The following GRIK1 variants were observed in gnomAD, a reference collection of about 807,000 sequenced individuals.
GRIK1 encodes the protein glutamate receptor ionotropic, kainate 1.
In GRIK1, 69 loss-of-function variants were observed where a neutral mutation model predicts 105.7. That is an observed-to-expected ratio of 0.65 (90% CI 0.54 to 0.80). GRIK1 has a LOEUF of 0.80. Among genes scored for constraint, GRIK1 ranks in the 30% least tolerant of loss-of-function variants. The probability of loss-of-function intolerance (pLI) is 0.00; values close to 1 mark genes in which losing one functional copy is unlikely to be tolerated. For synonymous variants in GRIK1, 438 were observed against 431.3 expected, an observed-to-expected ratio of 1.02 and a Z score of -0.19; for missense variants, 1,109 against 1,167.3, an observed-to-expected ratio of 0.95 and a Z score of 0.73.
intron 1 of GRIK1, among the ~76,000 whole-genome samples, chr21:29,788,093 A>G (rs1402135432): frequency 1.3e-5 from 2 of 152,246 alleles, no homozygotes; most frequent in African/African-American, 4.8e-5. Context: ...AGATAAAAGT[A>G]TAGCAGTAAA....
At chr21:29,598,015 A>G (rs977275297) in intron 8 of GRIK1, among the ~76,000 whole-genome samples, 5 of 152,192 alleles carry the variant, frequency 3.3e-5, no homozygotes, top group African/African-American at 1.2e-4. Context: ...GGGAAAAAAA[A>G]TGTCAGATTA....
At chr21:29,624,363 A>G (rs1372742631) in intron 7 of GRIK1, among the ~76,000 whole-genome samples, 1 of 152,166 alleles carries the variant, frequency 6.6e-6, no homozygotes, top group Non-Finnish European at 1.5e-5. Context: ...TTTCCATTGC[A>G]GAATATTTAA....
chr21:29,557,040 T>C (rs2090275267), intron 15 of GRIK1, among the ~76,000 whole-genome samples: 1 of 152,212 alleles, frequency 6.6e-6, no homozygotes, highest in Non-Finnish European at 1.5e-5. Context: ...GTAATGCCAC[T>C]GAACTTTTAA....
chr21:29,868,575 C>A (rs79288292), intron 1 of GRIK1, among the ~76,000 whole-genome samples: 2,198 of 152,176 alleles, frequency 0.014, 57 homozygotes, highest in African/African-American at 0.05. Flanking sequence ...GCTGTAGGAT[C>A]ACTTTTCTAG....
At chr21:29,642,680 A>G (rs1200448406) in intron 7 of GRIK1, 146 bp downstream of exon 7, 5 of 676,036 alleles carry the variant, frequency 7.4e-6, no homozygotes, top group Non-Finnish European at 1.2e-5. Context: ...AACTTTTGAC[A>G]CTGAAATCTG....
chr21:29,875,377 AT>A (rs1017729880), intron 1 of GRIK1, among the ~76,000 whole-genome samples: 15 of 152,250 alleles, frequency 9.9e-5, no homozygotes, highest in African/African-American at 3.4e-4. Flanking sequence ...GGAGAGCTGG[AT>A]TTTGCTCCAA....
chr21:29,818,819 T>G (rs917885402), intron 1 of GRIK1, among the ~76,000 whole-genome samples: 1 of 151,672 alleles, frequency 6.6e-6, no homozygotes, highest in Non-Finnish European at 1.5e-5. Flanking sequence ...AGGTCACAGT[T>G]AGGATGAATC....
At position 29,574,683 on chromosome 21, in the gene GRIK1, C is replaced by CTT. The variant is rs71191118; in HGVS notation, c.2130+2279_2130+2280dup. Among the ~76,000 whole-genome samples the CTT allele has an allele frequency of 3.3e-3, 320 of 98,360 alleles. 1 individual carries two copies. The highest frequency in any genetic ancestry group is 6.2e-3 in the Middle Eastern group (1 of 162). The allele number at this position is 98,360 out of a possible 152,430, so 64.5% of individuals were successfully genotyped here. On this transcript the variant is annotated intron_variant, in intron 14 of 17. Transcript: ENST00000327783. ...CATACATTAAATAAATGATACACTTCTTTTTTTTTTTTTTTTTTTTTTGAG... is the reference window on the plus strand; with the variant it reads ...CATACATTAAATAAATGATACACTTCTTTTTTTTTTTTTTTTTTTTTTTTGAG...
In GRIK1 at chr21:29,808,970, T is replaced by C. The variant is rs569219542; in HGVS notation, c.119-114907A>G. On this transcript the variant is annotated intron_variant, in intron 1 of 17. Transcript: ENST00000327783. The stretch of plus-strand genomic sequence containing the variant: ...GATTGCATTCTCAGTTGTGTTTCTA[T>C]TTAATAATTGGCTTTTCTCTCCATC... Among the ~76,000 whole-genome samples the C allele has an allele frequency of 4.7e-4, 72 of 152,334 alleles. 1 individual carries two copies. The highest frequency in any genetic ancestry group is 1.7e-3 in the African/African-American group (71 of 41,582).
At chr21:29,920,554 C>G (rs2071158790) in intron 1 of GRIK1, among the ~76,000 whole-genome samples, 1 of 152,114 alleles carries the variant, frequency 6.6e-6, no homozygotes, top group Non-Finnish European at 1.5e-5. Context: ...ATGACCCTCT[C>G]ATTAATAATA....
intron 1 of GRIK1, among the ~76,000 whole-genome samples, chr21:29,888,746 A>G (rs1415925492): frequency 6.6e-6 from 1 of 152,208 alleles, no homozygotes; most frequent in Non-Finnish European, 1.5e-5. Flanking sequence ...ACTTGTAACA[A>G]CAATGAAGCA....
chr21:29,911,444 G>A (rs2070812908), intron 1 of GRIK1, among the ~76,000 whole-genome samples: 2 of 152,146 alleles, frequency 1.3e-5, no homozygotes, highest in East Asian at 1.9e-4. Context: ...CACGATCCTG[G>A]ACTGGGAGAA....
chr21:29,593,918 TAA>T (rs2061366239), intron 9 of GRIK1, among the ~76,000 whole-genome samples: 1 of 152,236 alleles, frequency 6.6e-6, no homozygotes. Context: ...GTGCAGAAGC[TAA>T]GAGATCATTG....
intron 1 of GRIK1, among the ~76,000 whole-genome samples, chr21:29,781,097 T>C (rs1489880161): frequency 6.6e-6 from 1 of 152,206 alleles, no homozygotes; most frequent in Non-Finnish European, 1.5e-5. Context: ...ATGCTCATTT[T>C]AATGAGTATT....
chr21:29,678,769 G>A (rs922691772), intron 3 of GRIK1, among the ~76,000 whole-genome samples: 2 of 152,148 alleles, frequency 1.3e-5, no homozygotes, highest in African/African-American at 4.8e-5. Flanking sequence ...ATCACAAGTG[G>A]TCATAATGAC....
At chr21:29,863,872 A>G (rs461276) in intron 1 of GRIK1, among the ~76,000 whole-genome samples, 51,003 of 152,002 alleles carry the variant, frequency 0.34, 9,568 homozygotes, top group African/African-American at 0.5. Context: ...CTACAGAATT[A>G]CATACTTCTT....
intron 1 of GRIK1, among the ~76,000 whole-genome samples, chr21:29,843,120 C>T (rs1001194822): frequency 2.0e-5 from 3 of 152,066 alleles, no homozygotes; most frequent in Non-Finnish European, 2.9e-5. Context: ...AGAATGATTC[C>T]GTGGGCAGGT....
chr21:29,736,009 C>T (rs150070276), intron 1 of GRIK1, among the ~76,000 whole-genome samples: 2 of 152,070 alleles, frequency 1.3e-5, no homozygotes, highest in Admixed American at 6.6e-5. Context: ...TTCCCTAGCA[C>T]GACCCCAAGA....
Position 29,581,546 on chromosome 21 carries a change from G to A in GRIK1, c.1794-3C>T, listed in dbSNP as rs2091024249. ...TATACCACTCGTAGGGTGTAAACCT[G>A]TGGTAGTTAACAGAAACAGTCTGTA... On this transcript the variant is annotated splice_polypyrimidine_tract_variant and splice_region_variant and intron_variant, in intron 12 of 17. Coordinates refer to ENST00000327783, the MANE Select transcript of GRIK1 (RefSeq NM_001330994.2). 2 of 1,527,554 alleles carry A rather than the reference G, an allele frequency of 1.3e-6. No individual in the cohort carries two copies. The highest frequency in any genetic ancestry group is 1.4e-5 in the African/African-American group (1 of 73,156). The allele number at this position is 1,527,554 out of a possible 1,614,324, so 94.6% of individuals were successfully genotyped here.
Sources: allele counts gnomAD v4.1 joint callset (sites outside exome capture counted in the v4.1 genomes callset), GRCh38; gene constraint gnomAD v4.1.1; transcripts MANE v1.5; gene names NCBI Gene and HGNC (gene_info 2026-07-23, HGNC 2026-07-21).